PDE1C: variants seen among roughly 807,000 people sequenced by gnomAD.
PDE1C encodes dual specificity calcium/calmodulin-dependent 3',5'-cyclic nucleotide phosphodiesterase 1C.
In PDE1C, 62 loss-of-function variants were observed where a neutral mutation model predicts 93.1. That is an observed-to-expected ratio of 0.67 (90% CI 0.54 to 0.82). PDE1C has a LOEUF of 0.82. Among genes scored for constraint, PDE1C ranks in the 40% least tolerant of loss-of-function variants. The probability of loss-of-function intolerance (pLI) is 0.00; values close to 1 mark genes in which losing one functional copy is unlikely to be tolerated. For missense variants in PDE1C, 742 were observed against 884.6 expected, an observed-to-expected ratio of 0.84 and a Z score of 2.04; for synonymous variants, 325 against 310.1, an observed-to-expected ratio of 1.05 and a Z score of -0.50.
At chr7:31,924,594 C>A (rs1001704409) in intron 2 of PDE1C, among the ~76,000 whole-genome samples, 27 of 151,528 alleles carry the variant, frequency 1.8e-4, no homozygotes, top group African/African-American at 5.8e-4. Flanking sequence ...AGAGCCTTTT[C>A]TTTCCAATGT....
intron 5 of PDE1C, among the ~76,000 whole-genome samples, chr7:31,876,377 C>T (rs1018138179): frequency 5.3e-5 from 8 of 152,150 alleles, no homozygotes; most frequent in Admixed American, 3.9e-4. Flanking sequence ...CTGAGATTTT[C>T]TTTTCTCTAA....
At chr7:32,156,198 G>A (rs1237804628) in intron 3 of PDE1C, among the ~76,000 whole-genome samples, 1 of 152,132 alleles carries the variant, frequency 6.6e-6, no homozygotes, top group Non-Finnish European at 1.5e-5. Flanking sequence ...GTAAATGTGT[G>A]CCATGGTGGT....
chr7:32,095,713 C>T (rs1277482369), intron 3 of PDE1C, among the ~76,000 whole-genome samples: 1 of 152,222 alleles, frequency 6.6e-6, no homozygotes, highest in Non-Finnish European at 1.5e-5. Context: ...TAGAAAGCTG[C>T]TGCTGGGGGT....
At chr7:32,323,904 C>A (rs1783350273) in intron 1 of PDE1C, among the ~76,000 whole-genome samples, 1 of 152,132 alleles carries the variant, frequency 6.6e-6, no homozygotes, top group Non-Finnish European at 1.5e-5. Flanking sequence ...CAACCTGTCC[C>A]ATCGCACACT....
chr7:31,881,988 C>T (rs540791392), intron 2 of PDE1C, among the ~76,000 whole-genome samples: 1 of 152,120 alleles, frequency 6.6e-6, no homozygotes, highest in Non-Finnish European at 1.5e-5. Context: ...TCTCACCTTC[C>T]TGACATCAAA....
At chr7:31,754,713 T>A (rs530504417) in intron 17 of PDE1C, among the ~76,000 whole-genome samples, 1 of 152,252 alleles carries the variant, frequency 6.6e-6, no homozygotes, top group South Asian at 2.1e-4. Context: ...GATAAAAACA[T>A]CAGAGATTGT....
chr7:31,625,783 C>A, the PDE1C span, among the ~76,000 whole-genome samples: 5 of 151,104 alleles, frequency 3.3e-5, no homozygotes, highest in Non-Finnish European at 5.9e-5. Context: ...AAAAAAAAAA[C>A]AGTTAAAGAA....
At chr7:31,622,824 T>G in the PDE1C span, among the ~76,000 whole-genome samples, 5 of 152,116 alleles carry the variant, frequency 3.3e-5, no homozygotes, top group South Asian at 1.0e-3. Flanking sequence ...CAGGAGCTGG[T>G]TTTTTGAAAT....
intron 2 of PDE1C, among the ~76,000 whole-genome samples, chr7:31,915,409 A>T (rs1217724866): frequency 6.6e-6 from 1 of 152,218 alleles, no homozygotes; most frequent in Non-Finnish European, 1.5e-5. Context: ...ATCCCTGCCT[A>T]GCCAGGAGGG....
chr7:31,697,917 T>C, the PDE1C span, among the ~76,000 whole-genome samples: 1 of 152,190 alleles, frequency 6.6e-6, no homozygotes, highest in African/African-American at 2.4e-5. Context: ...CTTTAAAGTC[T>C]TATGTGGATA....
chr7:32,070,187 T>G, intron 1 of PDE1C, 106 bp downstream of exon 1: 2 of 1,557,232 alleles, frequency 1.3e-6, no homozygotes, highest in Admixed American at 3.7e-5. Context: ...AGGGTTGTAT[T>G]TAAAGGCCCA....
intron 1 of PDE1C, among the ~76,000 whole-genome samples, chr7:32,386,269 A>G (rs1784626321): frequency 8.5e-6 from 1 of 117,550 alleles, no homozygotes; most frequent in Non-Finnish European, 1.7e-5. Flanking sequence ...GAAAGAAAAT[A>G]AAAACCATGC....
At chr7:32,384,203 A>C (rs1443923995) in intron 1 of PDE1C, among the ~76,000 whole-genome samples, 1 of 152,214 alleles carries the variant, frequency 6.6e-6, no homozygotes, top group African/African-American at 2.4e-5. Flanking sequence ...TAGGTTTTAA[A>C]GATTCACAGG....
Position 32,406,936 on chromosome 7 carries a change from C to T in PDE1C, c.310+20886G>A, listed in dbSNP as rs989873827. Among the ~76,000 whole-genome samples the T allele has an allele frequency of 2.0e-5, 3 of 152,164 alleles. No individual in the cohort carries two copies. The South Asian group carries it at 6.2e-4, about 31-fold the overall frequency. On this transcript the variant is annotated intron_variant, in intron 1 of 1. Transcript: ENST00000672256. ...CCCAACGATAGCAAGGGAGTCACTT[C>T]CTCACCCCACCACTCAGCCCCATCG... is the stretch of plus-strand genomic sequence containing the variant.
chr7:32,084,468 C>A (rs1254305708), intron 3 of PDE1C, among the ~76,000 whole-genome samples: 2 of 148,130 alleles, frequency 1.4e-5, no homozygotes, highest in African/African-American at 5.0e-5. Flanking sequence ...ACAAGCATAC[C>A]CAGGAATTGA....
intron 2 of PDE1C, among the ~76,000 whole-genome samples, chr7:32,048,115 A>C (rs953734508): frequency 5.9e-5 from 9 of 152,200 alleles, no homozygotes; most frequent in African/African-American, 2.2e-4. Context: ...CCATTCATCA[A>C]ATGAGGAATC....
chr7:32,060,305 C>T (rs567565906), intron 1 of PDE1C, among the ~76,000 whole-genome samples: 52 of 152,280 alleles, frequency 3.4e-4, no homozygotes, highest in African/African-American at 1.2e-3. Context: ...TCCCTCTCCC[C>T]ACTCTGTGCC....
chr7:31,651,827 A>G, the PDE1C span: 1 of 698,350 alleles, frequency 1.4e-6, no homozygotes, highest in South Asian at 2.0e-5. Context: ...AATAAAGATG[A>G]CATTCTCTTT....
intron 16 of PDE1C, chr7:31,783,742 G>A (rs558887274): frequency 6.6e-6 from 1 of 152,274 alleles, no homozygotes; most frequent in South Asian, 2.1e-4. Flanking sequence ...TTGGAGATAT[G>A]ATGCTATGGC....
Sources: allele counts gnomAD v4.1 joint callset (sites outside exome capture counted in the v4.1 genomes callset), GRCh38; gene constraint gnomAD v4.1.1; transcripts MANE v1.5; gene names NCBI Gene and HGNC (gene_info 2026-07-23, HGNC 2026-07-21).